The following PPM1L variants were observed in gnomAD, a reference collection of about 807,000 sequenced individuals.
PPM1L encodes protein phosphatase 1L.
In PPM1L, 13 loss-of-function variants were observed where a neutral mutation model predicts 31.4. The observed-to-expected ratio is 0.41, with a 90% CI of 0.27 to 0.66. The LOEUF (loss-of-function observed/expected upper bound fraction) is 0.66. PPM1L is among the 30% of genes least tolerant of loss of function. PPM1L has a pLI of 0.29. For missense variants in PPM1L, 326 were observed against 453.7 expected (o/e 0.72, Z 2.56); for synonymous variants, 184 against 175.4 (o/e 1.05, Z -0.39).
chr3:160,780,658 TCTA>T (rs1322114142), intron 1 of PPM1L, among the ~76,000 whole-genome samples: 1 of 152,170 alleles, frequency 6.6e-6, no homozygotes, highest in Non-Finnish European at 1.5e-5. Context: ...CCTTTCGAAC[TCTA>T]TATTCGTCCT....
intron 1 of PPM1L, among the ~76,000 whole-genome samples, chr3:160,883,341 A>G (rs1712789774): frequency 6.6e-6 from 1 of 152,208 alleles, no homozygotes; most frequent in Non-Finnish European, 1.5e-5. Context: ...TATATGTGAT[A>G]TCCTGTGTCT....
chr3:160,879,002 A>G (rs1163242228), intron 1 of PPM1L, among the ~76,000 whole-genome samples: 1 of 152,248 alleles, frequency 6.6e-6, no homozygotes, highest in Non-Finnish European at 1.5e-5. Context: ...CAACTGAGCA[A>G]CTAGTTCTAC....
chr3:160,876,162 A>C (rs1284277310), intron 1 of PPM1L, among the ~76,000 whole-genome samples: 1 of 152,224 alleles, frequency 6.6e-6, no homozygotes, highest in Non-Finnish European at 1.5e-5. Context: ...GATTCAAAAT[A>C]ACCTATCCTT....
At chr3:160,856,655 G>A (rs1433900351) in intron 1 of PPM1L, among the ~76,000 whole-genome samples, 1 of 152,080 alleles carries the variant, frequency 6.6e-6, no homozygotes. Flanking sequence ...GCATACTTGG[G>A]GGTGGAGAGT....
At chr3:160,879,074 G>T (rs571357911) in intron 1 of PPM1L, among the ~76,000 whole-genome samples, 20 of 152,282 alleles carry the variant, frequency 1.3e-4, no homozygotes, top group African/African-American at 4.1e-4. Context: ...TTTATGCTTT[G>T]AATGTAGCAA....
At chr3:160,795,207 T>C (rs1422634570) in intron 1 of PPM1L, among the ~76,000 whole-genome samples, 2 of 152,218 alleles carry the variant, frequency 1.3e-5, no homozygotes. Flanking sequence ...TAAGCATTTT[T>C]TTCAAAATAA....
intron 2 of PPM1L, among the ~76,000 whole-genome samples, chr3:161,052,972 T>C (rs928449438): frequency 6.6e-6 from 1 of 152,194 alleles, no homozygotes; most frequent in African/African-American, 2.4e-5. Context: ...GTTCCTGTTA[T>C]ACCCCACTCC....
intron 1 of PPM1L, among the ~76,000 whole-genome samples, chr3:160,901,701 G>T (rs1713548334): frequency 6.6e-6 from 1 of 152,146 alleles, no homozygotes; most frequent in Non-Finnish European, 1.5e-5. Flanking sequence ...GTACATACTT[G>T]TTGATGTCTG....
Position 161,076,771 on chromosome 3 carries a change from ATAG to A in PPM1L, c.*7617_*7619del, listed in dbSNP as rs1720112843. On this transcript the variant is annotated 3_prime_UTR_variant, in exon 4 of 4. Transcript: ENST00000498165. ...ATGATTATTCTGACAAACCTGGAAA[ATAG>A]TAATTAAACAGTTCATTCCAAAAGA... 6.6e-6 allele frequency: 1 copy of A among 152,218 alleles called. No homozygotes were observed. Among genetic ancestry groups the A allele is most frequent in the South Asian group, 2.1e-4 (1 of 4,830 alleles). 9.4% of individuals were successfully genotyped at this position (152,218 alleles called of 1,614,324 possible). A position where few individuals can be genotyped will look rare whatever the true frequency, so the allele number is the denominator to read the frequency against.
At chr3:160,801,017 T>A (rs1712409247) in intron 1 of PPM1L, among the ~76,000 whole-genome samples, 1 of 152,100 alleles carries the variant, frequency 6.6e-6, no homozygotes, top group Non-Finnish European at 1.5e-5. Context: ...GTTCAGTGAG[T>A]GTTATGCTTT....
intron 1 of PPM1L, among the ~76,000 whole-genome samples, chr3:160,845,619 G>C (rs1714053371): frequency 6.6e-6 from 1 of 151,892 alleles, no homozygotes; most frequent in Non-Finnish European, 1.5e-5. Flanking sequence ...TTTAAAAGTT[G>C]TATAGTTTTT....
At chr3:160,850,326 C>T (rs1711500626) in intron 1 of PPM1L, among the ~76,000 whole-genome samples, 1 of 152,208 alleles carries the variant, frequency 6.6e-6, no homozygotes, top group Non-Finnish European at 1.5e-5. Context: ...AGTTTCAGTA[C>T]ACTGATGGGT....
chr3:160,946,741 C>T (rs902563921), intron 1 of PPM1L, among the ~76,000 whole-genome samples: 2 of 152,036 alleles, frequency 1.3e-5, no homozygotes. Context: ...TTTGAAAGTG[C>T]CACTTTCTTG....
chr3:160,910,725 A>G (rs1002259707), intron 1 of PPM1L, among the ~76,000 whole-genome samples: 7 of 152,178 alleles, frequency 4.6e-5, no homozygotes, highest in Non-Finnish European at 8.8e-5. Context: ...TATGTCTTTA[A>G]AAGGTTTCCT....
chr3:160,944,723 T>A (rs1715267787), intron 1 of PPM1L, among the ~76,000 whole-genome samples: 1 of 112,482 alleles, frequency 8.9e-6, no homozygotes, highest in African/African-American at 2.8e-5. Flanking sequence ...ATATATGTTA[T>A]ATATAACATG....
chr3:160,924,275 A>G (rs1714513646), intron 1 of PPM1L, among the ~76,000 whole-genome samples: 1 of 152,154 alleles, frequency 6.6e-6, no homozygotes, highest in Non-Finnish European at 1.5e-5. Flanking sequence ...GAAGCCTAGA[A>G]ATTTTGGATA....
chr3:160,851,818 G>A (rs976070851), intron 1 of PPM1L, among the ~76,000 whole-genome samples: 4 of 152,152 alleles, frequency 2.6e-5, no homozygotes, highest in African/African-American at 9.7e-5. Flanking sequence ...ACATTCTGCT[G>A]TTACTCCGTA....
chr3:161,054,606 G>T (rs1287606322), intron 2 of PPM1L, among the ~76,000 whole-genome samples: 1 of 152,102 alleles, frequency 6.6e-6, no homozygotes, highest in Non-Finnish European at 1.5e-5. Context: ...AGGTAGCAAT[G>T]GCCTGCCCTG....
chr3:160,799,169 G>A (rs1289676718), intron 1 of PPM1L, among the ~76,000 whole-genome samples: 3 of 152,228 alleles, frequency 2.0e-5, no homozygotes, highest in Non-Finnish European at 4.4e-5. Context: ...TGACAACAAA[G>A]GATTTAGAAT....
Sources: allele counts gnomAD v4.1 joint callset (sites outside exome capture counted in the v4.1 genomes callset), GRCh38; gene constraint gnomAD v4.1.1; transcripts MANE v1.5; gene names NCBI Gene and HGNC (gene_info 2026-07-23, HGNC 2026-07-21).